The following VMP1 variants were observed in gnomAD, a reference collection of about 807,000 sequenced individuals.
The protein encoded by VMP1 is ectopic P-granules autophagy protein 3 homolog.
Under a neutral mutation model 56.0 loss-of-function variants are expected in VMP1, and 11 were observed. The observed-to-expected ratio is 0.20, with a 90% CI of 0.12 to 0.32. The LOEUF (loss-of-function observed/expected upper bound fraction) is 0.32. Among genes scored for constraint, VMP1 ranks in the 10% least tolerant of loss-of-function variants. The probability of loss-of-function intolerance (pLI) is 1.00; values close to 1 mark genes in which losing one functional copy is unlikely to be tolerated. For synonymous variants in VMP1, 149 were observed against 165.0 expected, an observed-to-expected ratio of 0.90 and a Z score of 0.74; for missense variants, 296 against 490.3, an observed-to-expected ratio of 0.60 and a Z score of 3.74.
chr17:59,751,467 C>G (rs1216448598), intron 5 of VMP1, among the ~76,000 whole-genome samples: 1 of 152,020 alleles, frequency 6.6e-6, no homozygotes, highest in Non-Finnish European at 1.5e-5. Context: ...CTAGACCGGG[C>G]TCGGTGGCTC....
chr17:59,708,485 AT>A (rs2033775342), intron 1 of VMP1, among the ~76,000 whole-genome samples: 1 of 152,182 alleles, frequency 6.6e-6, no homozygotes, highest in African/African-American at 2.4e-5. Context: ...ATTTTACACA[AT>A]CATCTTTTAT....
intron 10 of VMP1, among the ~76,000 whole-genome samples, chr17:59,832,040 G>A (rs2038824582): frequency 6.6e-6 from 1 of 151,422 alleles, no homozygotes; most frequent in East Asian, 1.9e-4. Flanking sequence ...GCGCCACCAT[G>A]CCTGGTGGAA....
chr17:59,726,890 A>G (rs1272073259), intron 1 of VMP1, among the ~76,000 whole-genome samples: 2 of 152,168 alleles, frequency 1.3e-5, no homozygotes, highest in African/African-American at 2.4e-5. Flanking sequence ...TTAAGCTTCT[A>G]TGAACTGGTC....
chr17:59,758,564 C>T (rs754836441), intron 5 of VMP1, among the ~76,000 whole-genome samples: 4 of 151,962 alleles, frequency 2.6e-5, no homozygotes, highest in Non-Finnish European at 5.9e-5. Context: ...GTGGCTCACA[C>T]CAGTAATCCC....
intron 5 of VMP1, among the ~76,000 whole-genome samples, chr17:59,755,917 A>G (rs1462906266): frequency 6.6e-6 from 1 of 151,562 alleles, no homozygotes; most frequent in African/African-American, 2.4e-5. Context: ...ATTTTTTCTT[A>G]GTAGAGACGG....
intron 11 of VMP1, chr17:59,838,943 C>T (rs2039069778): frequency 6.6e-6 from 1 of 152,122 alleles, no homozygotes; most frequent in South Asian, 2.1e-4. Flanking sequence ...AAATGGGAAA[C>T]TCGAGGGAAG....
chr17:59,839,738 C>A (rs1336045420), intron 11 of VMP1, 30 bp from the exon 12 acceptor site: 1 of 1,581,550 alleles, frequency 6.3e-7, no homozygotes. Flanking sequence ...AAGCCTTTTT[C>A]ATTGCATTGT....
At chr17:59,739,033 A>T (rs2035115853) in intron 5 of VMP1, 86 bp downstream of exon 5, 1 of 1,023,352 alleles carries the variant, frequency 9.8e-7, no homozygotes, top group East Asian at 2.8e-5. Context: ...AAATTCTAAG[A>T]TTTGTTTTAA....
intron 5 of VMP1, 101 bp from the exon 6 acceptor site, chr17:59,764,870 C>T: frequency 1.1e-6 from 1 of 890,446 alleles, no homozygotes; most frequent in Non-Finnish European, 1.5e-6. Context: ...TCTTTGAAAG[C>T]TAAGATTTTT....
chr17:59,828,666 T>C (rs2038716614), intron 10 of VMP1, among the ~76,000 whole-genome samples: 1 of 152,220 alleles, frequency 6.6e-6, no homozygotes, highest in Admixed American at 6.5e-5. Flanking sequence ...TTTTCTAGTA[T>C]AGTGTGTGAT....
At chr17:59,814,665 A>G (rs1471705603) in intron 9 of VMP1, among the ~76,000 whole-genome samples, 1 of 152,202 alleles carries the variant, frequency 6.6e-6, no homozygotes, top group Non-Finnish European at 1.5e-5. Flanking sequence ...TAGAGAAGGT[A>G]AAATACTTGC....
intron 10 of VMP1, among the ~76,000 whole-genome samples, chr17:59,837,305 T>C (rs1449594694): frequency 6.6e-6 from 1 of 152,154 alleles, no homozygotes; most frequent in East Asian, 1.9e-4. Flanking sequence ...TGGCTGGCTC[T>C]AAGAAAGAGT....
Position 59,764,984 on chromosome 17 carries a change from C to T in VMP1, c.428C>T (p.Ala143Val), listed in dbSNP as rs2143987612. 1 of 1,609,656 alleles carries T rather than the reference C, an allele frequency of 6.2e-7. No homozygotes were observed. The highest frequency in any genetic ancestry group is 8.5e-7 in the Non-Finnish European group (1 of 1,178,086). ...TTTGTTTTATAGGGTCCACATATAG[C>T]CTCAGTTACATTAGCTGCTTATGAA... ...TFLLYLGPHI[A>V]SVTLAAYECN... Residue 143 changes from alanine (A) to valine (V), a missense_variant, in exon 6 of 12, where the codon GCC (alanine) becomes GTC (valine). Around this residue, in one of 4 missense-constraint regions of VMP1, gnomAD observed 126 missense variants for 231.6 expected, o/e 0.54. Transcript: ENST00000262291.
Position 59,731,450 on chromosome 17 carries a change from G to T in VMP1, c.4G>T (p.Ala2Ser), listed in dbSNP as rs764143528. The change falls in exon 2 of 12, where the codon GCA (alanine) becomes TCA (serine). Residue 2 changes from alanine to serine, a missense_variant. Coordinates refer to ENST00000262291, the MANE Select transcript of VMP1 (RefSeq NM_030938.5). M[A>S]ENGKNCDQRR... Reference sequence around the variant, plus strand: ...TCAAGAGTTACTGATCTATGAAATGGCAGAGAATGGAAAAAATTGTGACCA... The same window carrying T: ...TCAAGAGTTACTGATCTATGAAATGTCAGAGAATGGAAAAAATTGTGACCA... 1 of 1,592,582 alleles carries T rather than the reference G, an allele frequency of 6.3e-7. No homozygotes were observed. The highest frequency in any genetic ancestry group is 1.8e-5 in the Admixed American group (1 of 54,298).
chr17:59,734,163 G>C (rs1714398845), intron 2 of VMP1, among the ~76,000 whole-genome samples: 1 of 152,178 alleles, frequency 6.6e-6, no homozygotes, highest in Non-Finnish European at 1.5e-5. Flanking sequence ...AAAAGATTCT[G>C]ATGTTTATCA....
At chr17:59,798,252 G>A (rs373796166) in intron 7 of VMP1, among the ~76,000 whole-genome samples, 1 of 152,098 alleles carries the variant, frequency 6.6e-6, no homozygotes, top group African/African-American at 2.4e-5. Context: ...AGAAATAGTT[G>A]ATAGCTCCCT....
chr17:59,724,649 G>A (rs948514098), intron 1 of VMP1, among the ~76,000 whole-genome samples: 9 of 151,974 alleles, frequency 5.9e-5, no homozygotes, highest in Non-Finnish European at 7.4e-5. Context: ...GCCAGCCTTC[G>A]TAACAGAGTG....
At chr17:59,728,818 A>G (rs1471341914) in intron 1 of VMP1, among the ~76,000 whole-genome samples, 1 of 152,186 alleles carries the variant, frequency 6.6e-6, no homozygotes, top group Non-Finnish European at 1.5e-5. Flanking sequence ...TTATTGAAAC[A>G]TAATTCACAT....
intron 7 of VMP1, among the ~76,000 whole-genome samples, chr17:59,796,600 A>G (rs2037446391): frequency 1.3e-5 from 2 of 152,162 alleles, no homozygotes; most frequent in Admixed American, 6.5e-5. Flanking sequence ...TTTCTAAGCA[A>G]TTATCTCTGT....
Sources: gnomAD v4.1 joint callset for allele counts (sites outside exome capture counted in the v4.1 genomes callset) on GRCh38, gnomAD v4.1.1 for gene constraint, gnomAD v4.1.1 regional missense constraint, MANE v1.5 for transcripts, NCBI Gene and HGNC (gene_info 2026-07-23, HGNC 2026-07-21) for gene names.